Variants in EPHB1 observed in about 807,000 individuals in gnomAD.
EPHB1 encodes the protein EPH receptor B1, also known as ephrin type-B receptor 1.
A neutral mutation model predicts 94.4 loss-of-function variants in EPHB1; 30 were observed. That is an observed-to-expected ratio of 0.32 (90% confidence interval 0.24 to 0.43). EPHB1 has a LOEUF of 0.43. Ranked by LOEUF, EPHB1 falls within the 20% of genes least tolerant of loss-of-function variation. The pLI is 1.00. For missense variants in EPHB1, 1,055 were observed against 1,308.3 expected (o/e 0.81, Z 2.99); for synonymous variants, 522 against 489.1 (o/e 1.07, Z -0.89).
chr3:134,953,488 T>G (rs1388485142), intron 3 of EPHB1, among the ~76,000 whole-genome samples: 1 of 152,248 alleles, frequency 6.6e-6, no homozygotes, highest in African/African-American at 2.4e-5. Context: ...GGTCCCACAG[T>G]CCTCCTCTTT....
intron 10 of EPHB1, among the ~76,000 whole-genome samples, chr3:135,185,875 C>A (rs750976321): frequency 6.6e-6 from 1 of 152,158 alleles, no homozygotes; most frequent in Non-Finnish European, 1.5e-5. Flanking sequence ...AATTATGATA[C>A]CATCCTAGAA....
At chr3:134,944,722 G>T (rs1423183392) in intron 2 of EPHB1, among the ~76,000 whole-genome samples, 1 of 152,080 alleles carries the variant, frequency 6.6e-6, no homozygotes, top group Non-Finnish European at 1.5e-5. Flanking sequence ...GGAGGTGGTG[G>T]TGGCTGCAGT....
Position 134,951,313 on chromosome 3 carries a change from A to C in EPHB1, c.124-58A>C. The stretch of plus-strand genomic sequence containing the variant: ...TCTCCTCTGCTATGCCTATTTTTGT[A>C]TTCTCACTCTCTATTTTGTGTTTTT... On this transcript the variant is annotated intron_variant, in intron 2 of 15. Coordinates refer to ENST00000398015, the MANE Select transcript of EPHB1 (RefSeq NM_004441.5). This position sits in a 1 kb window ranked among gnomAD's most constrained non-coding sequence, Gnocchi z 4.5. 9.1e-6 allele frequency: 13 copies of C among 1,423,650 alleles called. No homozygotes were observed. Among genetic ancestry groups the C allele is most frequent in the Non-Finnish European group, 1.1e-5 (12 of 1,067,412 alleles). 88.2% of individuals were successfully genotyped at this position (1,423,650 alleles called of 1,614,324 possible).
rs546366104 is a variant in EPHB1, at chr3:135,164,665, C to T, written c.1586-1303C>T. Among the ~76,000 whole-genome samples the T allele has an allele frequency of 1.4e-3, 220 of 151,846 alleles. 2 individuals carry two copies. The highest frequency in any genetic ancestry group is 3.4e-3 in the Middle Eastern group (1 of 294). ...CTCTACTAAAAATACAAAAAGTAGCCGGGTGTGGTGGCATGTGCCTGTAAT... is the reference window on the plus strand; with the variant it reads ...CTCTACTAAAAATACAAAAAGTAGCTGGGTGTGGTGGCATGTGCCTGTAAT... On this transcript the variant is annotated intron_variant, in intron 7 of 15. Coordinates refer to ENST00000398015, the MANE Select transcript of EPHB1 (RefSeq NM_004441.5).
chr3:134,847,238 A>G (rs2036893249), intron 1 of EPHB1, among the ~76,000 whole-genome samples: 1 of 152,068 alleles, frequency 6.6e-6, no homozygotes, highest in African/African-American at 2.4e-5. Context: ...CAGCAGGGCA[A>G]GGCGGGGCTC....
intron 3 of EPHB1, among the ~76,000 whole-genome samples, chr3:135,039,878 G>A (rs1936780282): frequency 6.6e-6 from 1 of 152,212 alleles, no homozygotes; most frequent in South Asian, 2.1e-4. Flanking sequence ...GTGCAGTGGG[G>A]GGGCTGAAGG....
In EPHB1 at chr3:135,166,043, T is replaced by C; in HGVS notation, c.1661T>C (p.Val554Ala). ...GCAGCGGCCGGGGTCGTGTTCGTTGTGTCCTTGGTGGCCATCTCTATCGTC... is the reference window on the plus strand; with the variant it reads ...GCAGCGGCCGGGGTCGTGTTCGTTGCGTCCTTGGTGGCCATCTCTATCGTC... The part of the protein sequence containing the change: ...GSAAAGVVFV[V>A]SLVAISIVCS... Residue 554 changes from valine to alanine, a missense_variant, in exon 8 of 16, where the codon GTG becomes GCG. Coordinates refer to ENST00000398015, the MANE Select transcript of EPHB1 (RefSeq NM_004441.5). 6.2e-7 allele frequency: 1 copy of C among 1,613,918 alleles called. No individual in the cohort carries two copies. Among genetic ancestry groups the C allele is most frequent in the Admixed American group, 1.7e-5 (1 of 60,022 alleles).
intron 3 of EPHB1, among the ~76,000 whole-genome samples, chr3:135,029,699 G>A (rs1005042579): frequency 3.9e-4 from 59 of 150,984 alleles, no homozygotes; most frequent in Non-Finnish European, 6.8e-4. Flanking sequence ...ACACTTATGT[G>A]TCTTGGAGTT....
chr3:135,004,397 T>C (rs939520012), intron 3 of EPHB1, among the ~76,000 whole-genome samples: 1 of 152,070 alleles, frequency 6.6e-6, no homozygotes, highest in African/African-American at 2.4e-5. Flanking sequence ...TAACATTTTT[T>C]CCTTCATTTC....
chr3:134,907,957 C>T (rs1222822430), intron 1 of EPHB1, among the ~76,000 whole-genome samples: 1 of 152,220 alleles, frequency 6.6e-6, no homozygotes, highest in Non-Finnish European at 1.5e-5. Flanking sequence ...CCTCCTGGTG[C>T]AGGGTTAGAG....
At chr3:134,917,721 G>C (rs1333496432) in intron 1 of EPHB1, among the ~76,000 whole-genome samples, 1 of 152,204 alleles carries the variant, frequency 6.6e-6, no homozygotes, top group Non-Finnish European at 1.5e-5. Context: ...AGATGGGTTG[G>C]GTTGGCACTT....
At chr3:134,956,721 T>A (rs751820382) in intron 3 of EPHB1, among the ~76,000 whole-genome samples, 1 of 152,206 alleles carries the variant, frequency 6.6e-6, no homozygotes, top group Non-Finnish European at 1.5e-5. Context: ...TCAAAGTGTG[T>A]GAAAATGGAT....
chr3:134,882,752 T>TC, intron 1 of EPHB1, among the ~76,000 whole-genome samples: 1 of 65,632 alleles, frequency 1.5e-5, no homozygotes, highest in African/African-American at 7.1e-5. Context: ...CTTTCTTCCT[T>TC]TCTTCCTTCC....
chr3:135,139,704 C>G (rs965220245), intron 5 of EPHB1, among the ~76,000 whole-genome samples: 4 of 152,318 alleles, frequency 2.6e-5, no homozygotes, highest in Admixed American at 1.3e-4. Context: ...CTCAGCTGGG[C>G]TCTTGGTACC....
At chr3:135,081,644 T>A (rs1576368872) in intron 3 of EPHB1, among the ~76,000 whole-genome samples, 1 of 151,972 alleles carries the variant, frequency 6.6e-6, no homozygotes, top group South Asian at 2.1e-4. Flanking sequence ...CTGGTAGGAG[T>A]GCTTCTTATT....
intron 4 of EPHB1, among the ~76,000 whole-genome samples, chr3:135,126,065 C>T (rs548841649): frequency 6.6e-6 from 1 of 152,282 alleles, no homozygotes; most frequent in African/African-American, 2.4e-5. Context: ...ATGCTACTTT[C>T]CCAGTCACTC....
chr3:134,905,768 C>T (rs1304275713), intron 1 of EPHB1, among the ~76,000 whole-genome samples: 1 of 152,150 alleles, frequency 6.6e-6, no homozygotes, highest in Non-Finnish European at 1.5e-5. Flanking sequence ...GACATTTCCT[C>T]CCAACTGCCC....
intron 3 of EPHB1, among the ~76,000 whole-genome samples, chr3:135,105,485 G>T (rs1939180965): frequency 6.6e-6 from 1 of 152,128 alleles, no homozygotes; most frequent in South Asian, 2.1e-4. Context: ...GGGGAAGTAG[G>T]GTAGGCAGAA....
intron 3 of EPHB1, among the ~76,000 whole-genome samples, chr3:134,970,195 C>T (rs1933912553): frequency 1.3e-5 from 2 of 152,184 alleles, no homozygotes; most frequent in African/African-American, 4.8e-5. Flanking sequence ...TAATTCTTTG[C>T]CTAACCTTGG....
Sources: allele counts gnomAD v4.1 joint callset (sites outside exome capture counted in the v4.1 genomes callset), GRCh38; gene constraint gnomAD v4.1.1; non-coding constraint Gnocchi (gnomAD v3.1); transcripts MANE v1.5; gene names NCBI Gene and HGNC (gene_info 2026-07-23, HGNC 2026-07-21).